Variants in MYO7A observed in about 807,000 individuals in gnomAD.
MYO7A encodes unconventional myosin-VIIa.
A neutral mutation model predicts 263.8 loss-of-function variants in MYO7A; 210 were observed. The observed-to-expected ratio is 0.80, with a 90% CI of 0.71 to 0.89. The LOEUF (loss-of-function observed/expected upper bound fraction) is 0.89. Among genes scored for constraint, MYO7A ranks in the 40% least tolerant of loss-of-function variants. MYO7A has a pLI of 0.00. For synonymous variants in MYO7A, 1,239 were observed against 1,197.3 expected (o/e 1.03, Z -0.72); for missense variants, 2,820 against 2,968.3 (o/e 0.95, Z 1.16).
chr11:77,179,046 T>G lies in MYO7A; in HGVS notation c.2284T>G (p.Ser762Ala), dbSNP rs782531745. 5 of 1,603,290 alleles carry G rather than the reference T, an allele frequency of 3.1e-6. No individual in the cohort carries two copies. Among genetic ancestry groups the G allele is most frequent in the Non-Finnish European group, 4.3e-6 (5 of 1,175,556 alleles). ...CCCGCGCCACTACTGCTGTTTCAGG[T>G]CTAACTTTCTGAAGCTGAAGAACGC... ...QKVIRGFKDR[S>A]NFLKLKNAAT... The change falls in exon 20 of 49, where the codon TCT (serine) becomes GCT (alanine). Residue 762 changes from serine (S) to alanine (A), a missense_variant and splice_region_variant. Coordinates refer to ENST00000409709, the MANE Select transcript of MYO7A (RefSeq NM_000260.4).
chr11:77,206,009 A>G, intron 40 of MYO7A, 88 bp from the exon 41 acceptor site: 1 of 1,023,924 alleles, frequency 9.8e-7, no homozygotes, highest in Non-Finnish European at 1.5e-6. Context: ...GGGGATCAGA[A>G]CTGGGGTTGT....
chr11:77,201,463 G>C lies in MYO7A; in HGVS notation c.4868G>C (p.Gly1623Ala), dbSNP rs1265861779. 6.2e-7 allele frequency: 1 copy of C among 1,613,850 alleles called. No homozygotes were observed. The highest frequency in any genetic ancestry group is 1.7e-5 in the Admixed American group (1 of 60,004). ...TGCTCTACAGCAGGCGAGGAGTCAGGCTTCCTCAGCTTTGCCAAGGGAGAC... is the reference window on the plus strand; with the variant it reads ...TGCTCTACAGCAGGCGAGGAGTCAGCCTTCCTCAGCTTTGCCAAGGGAGAC... ...DNPNPAGEES[G>A]FLSFAKGDLI... Residue 1623 changes from glycine to alanine, a missense_variant, in exon 36 of 49, where the codon GGC becomes GCC. By Grantham distance (60) the Gly-to-Ala change is moderately conservative. Transcript: ENST00000409709.
chr11:77,138,376 C>T lies in MYO7A; in HGVS notation c.19-4333C>T, dbSNP rs1403604281. Among the ~76,000 whole-genome samples, 1 of 152,154 alleles carries T rather than the reference C, an allele frequency of 6.6e-6. No homozygotes were observed. Among genetic ancestry groups the T allele is most frequent in the Non-Finnish European group, 1.5e-5 (1 of 68,016 alleles). Reference sequence around the variant, plus strand: ...GCAGCCCGGCAAGTGGGCGCTGGTGCGCAGCCTGAACCAGGCGTTCAAGAC... The same window carrying T: ...GCAGCCCGGCAAGTGGGCGCTGGTGTGCAGCCTGAACCAGGCGTTCAAGAC... On this transcript the variant is annotated intron_variant, in intron 2 of 48. Coordinates refer to ENST00000409709, the MANE Select transcript of MYO7A (RefSeq NM_000260.4). This position sits in a 1 kb window ranked among gnomAD's most constrained non-coding sequence, Gnocchi z 4.9.
intron 39 of MYO7A, 63 bp downstream of exon 39, chr11:77,204,292 C>A: frequency 1.3e-6 from 2 of 1,536,412 alleles, no homozygotes; most frequent in South Asian, 1.2e-5. Context: ...GCAGCTCTTA[C>A]CCTCCTGAGG....
At chr11:77,202,180 G>A in intron 36 of MYO7A, 120 bp from the exon 37 acceptor site, 2 of 1,286,920 alleles carry the variant, frequency 1.6e-6, no homozygotes, top group Non-Finnish European at 2.1e-6. Context: ...TCAGAATGGG[G>A]CATGGGGTCC....
intron 32 of MYO7A, among the ~76,000 whole-genome samples, chr11:77,195,378 C>T (rs1438607561): frequency 6.6e-6 from 1 of 152,120 alleles, no homozygotes; most frequent in African/African-American, 2.4e-5. Flanking sequence ...AGTGAGAGCC[C>T]TGCCCTTCAT....
rs373612656 is a variant in MYO7A at position 77,205,540 on chromosome 11, C to T, written c.5559C>T (p.His1853=). Residue 1853 remains histidine (H), a synonymous_variant, in exon 40 of 49, where the codon CAC becomes CAT. Coordinates refer to ENST00000409709, the MANE Select transcript of MYO7A (RefSeq NM_000260.4). The stretch of plus-strand genomic sequence containing the variant: ...CACCCAGCAACATCCTCCTGCCCCA[C>T]GTGCAGCGCTTCCTGCAGTCCCGAA... The part of the protein sequence containing the change: ...LFPPSNILLP[H]VQRFLQSRKH... 4.1e-4 allele frequency: 653 copies of T among 1,610,292 alleles called. No homozygotes were observed. The highest frequency in any genetic ancestry group is 5.0e-4 in the Middle Eastern group (3 of 6,058).
chr11:77,213,097 C>G, intron 47 of MYO7A, 62 bp downstream of exon 47: 1 of 1,305,510 alleles, frequency 7.7e-7, no homozygotes. Flanking sequence ...AGACACGGTC[C>G]CAGAACGAAC....
intron 3 of MYO7A, among the ~76,000 whole-genome samples, chr11:77,146,624 T>C (rs142183971): frequency 2.8e-4 from 42 of 152,202 alleles, no homozygotes; most frequent in Middle Eastern, 3.4e-3. Context: ...GGGTTGACTA[T>C]GCCAGAAGGG....
At chr11:77,209,079 G>T in intron 44 of MYO7A, 1 of 419,342 alleles carries the variant, frequency 2.4e-6, no homozygotes, top group Non-Finnish European at 4.3e-6. Context: ...GCTATCCTCT[G>T]ACTTCGAGAT....
chr11:77,190,644 G>T, intron 29 of MYO7A, 53 bp from the exon 30 acceptor site: 2 of 1,532,860 alleles, frequency 1.3e-6, no homozygotes, highest in East Asian at 2.4e-5. Context: ...GTCCAGAGGG[G>T]CAGGCAGGTC....
intron 2 of MYO7A, among the ~76,000 whole-genome samples, chr11:77,131,438 G>A (rs1211089543): frequency 6.6e-6 from 1 of 152,254 alleles, no homozygotes; most frequent in Non-Finnish European, 1.5e-5. Context: ...GTGTGTGTGA[G>A]TGAGAGGCAG....
At chr11:77,176,841 C>T (rs1954691405) in intron 18 of MYO7A, among the ~76,000 whole-genome samples, 1 of 152,200 alleles carries the variant, frequency 6.6e-6, no homozygotes, top group Non-Finnish European at 1.5e-5. Context: ...CCCCTCCCCT[C>T]CCCAGCATCT....
At chr11:77,137,348 C>T (rs1220032081) in intron 2 of MYO7A, among the ~76,000 whole-genome samples, 1 of 152,142 alleles carries the variant, frequency 6.6e-6, no homozygotes, top group Non-Finnish European at 1.5e-5. Context: ...TCCCCCCACC[C>T]AGTCCCCCGC....
chr11:77,157,416 G>A (rs1591273612), intron 8 of MYO7A, 24 bp downstream of exon 8: 5 of 1,529,128 alleles, frequency 3.3e-6, no homozygotes, highest in South Asian at 2.3e-5. Context: ...GGGCCCCTGG[G>A]TAGGGGGGCA....
Position 77,151,577 on chromosome 11 carries a change from A to G in MYO7A, c.285+3627A>G, listed in dbSNP as rs2135754686. On this transcript the variant is annotated intron_variant, in intron 4 of 48. Transcript: ENST00000409709. ...CTCCGCCTGGGGACCCCTAGGGACC[A>G]CACGTGCTGTATCCCTGGTTTGGGA... Among the ~76,000 whole-genome samples the G allele has an allele frequency of 2.6e-5, 4 of 152,294 alleles. No individual in the cohort carries two copies. The Middle Eastern group carries it at 0.014, about 518-fold the overall frequency.
At chr11:77,182,703 T>C (rs1183776105) in intron 25 of MYO7A, 103 bp downstream of exon 25, 2 of 1,272,376 alleles carry the variant, frequency 1.6e-6, no homozygotes, top group Non-Finnish European at 2.2e-6. Context: ...GATCCTATAA[T>C]TCATCTCTGC....
Position 77,213,999 on chromosome 11 carries a change from G to A in MYO7A, c.6558+20G>A, listed in dbSNP as rs2135803074. 1 of 1,613,252 alleles carries A rather than the reference G, an allele frequency of 6.2e-7. No individual in the cohort carries two copies. The highest frequency in any genetic ancestry group is 8.5e-7 in the Non-Finnish European group (1 of 1,179,398). Reference sequence around the variant, plus strand: ...TCACTGGTGAGGGCGCATCCTGCTGGGCCTAGTGGGCTCCCTGCCTTGCCT... The same window carrying A: ...TCACTGGTGAGGGCGCATCCTGCTGAGCCTAGTGGGCTCCCTGCCTTGCCT... On this transcript the variant is annotated intron_variant, in intron 48 of 48. Transcript: ENST00000409709.
Position 77,205,500 on chromosome 11 carries a change from G to A in MYO7A, c.5519G>A (p.Cys1840Tyr). Residue 1840 changes from cysteine (C) to tyrosine (Y), a missense_variant, in exon 40 of 49, where the codon TGC becomes TAC. Coordinates refer to ENST00000409709, the MANE Select transcript of MYO7A (RefSeq NM_000260.4). Reference protein sequence around the residue: ...EERGWELLWLCTGLFPPSNIL... With the variant: ...EERGWELLWLYTGLFPPSNIL... ...CGGGGTTGGGAGCTGCTCTGGCTGT[G>A]CACGGGCCTTTTCCCACCCAGCAAC... 1 of 1,594,854 alleles carries A rather than the reference G, an allele frequency of 6.3e-7. No homozygotes were observed. Among genetic ancestry groups the A allele is most frequent in the Non-Finnish European group, 8.5e-7 (1 of 1,171,440 alleles).
Sources: gnomAD v4.1 joint callset for allele counts (sites outside exome capture counted in the v4.1 genomes callset) on GRCh38, gnomAD v4.1.1 for gene constraint, Gnocchi (gnomAD v3.1) non-coding constraint, MANE v1.5 for transcripts, NCBI Gene and HGNC (gene_info 2026-07-23, HGNC 2026-07-21) for gene names.